The following AKAP6 variants were observed in gnomAD, a reference collection of about 807,000 sequenced individuals.
The protein encoded by AKAP6 is A-kinase anchor protein 6.
In AKAP6, 58 loss-of-function variants were observed where a neutral mutation model predicts 188.5. That is an observed-to-expected ratio of 0.31 (90% confidence interval 0.25 to 0.38). AKAP6 has a LOEUF of 0.38. Ranked by LOEUF, AKAP6 falls within the 10% of genes least tolerant of loss-of-function variation. The probability of loss-of-function intolerance (pLI) is 1.00; values close to 1 mark genes in which losing one functional copy is unlikely to be tolerated. For missense variants in AKAP6, 2,710 were observed against 2,740.0 expected (o/e 0.99, Z 0.24); for synonymous variants, 989 against 998.6 (o/e 0.99, Z 0.18).
At chr14:32,549,062 C>G (rs1883336613) in intron 4 of AKAP6, among the ~76,000 whole-genome samples, 1 of 152,132 alleles carries the variant, frequency 6.6e-6, no homozygotes, top group Non-Finnish European at 1.5e-5. Flanking sequence ...ATCAAATATA[C>G]AGCAGTAATA....
chr14:32,589,766 G>A (rs981897969), intron 5 of AKAP6, among the ~76,000 whole-genome samples: 2 of 151,892 alleles, frequency 1.3e-5, no homozygotes, highest in African/African-American at 4.8e-5. Context: ...TTAGAATGCC[G>A]GGGAAACACT....
At chr14:32,775,900 A>G (rs1040019638) in intron 12 of AKAP6, among the ~76,000 whole-genome samples, 2 of 152,154 alleles carry the variant, frequency 1.3e-5, no homozygotes, top group South Asian at 4.2e-4. Context: ...GAAGGTAGCA[A>G]ATAAGGTCCT....
At chr14:32,480,505 T>C (rs1879287916) in intron 2 of AKAP6, among the ~76,000 whole-genome samples, 1 of 152,204 alleles carries the variant, frequency 6.6e-6, no homozygotes, top group Admixed American at 6.5e-5. Flanking sequence ...TGATGTTGAA[T>C]TTCTTACTGT....
chr14:32,404,112 G>A (rs1208545138), intron 1 of AKAP6, among the ~76,000 whole-genome samples: 1 of 151,624 alleles, frequency 6.6e-6, no homozygotes, highest in Admixed American at 6.6e-5. Context: ...TATTTTTTTT[G>A]AAAAATATTA....
At chr14:32,756,870 C>T (rs910749991) in intron 11 of AKAP6, among the ~76,000 whole-genome samples, 1 of 152,040 alleles carries the variant, frequency 6.6e-6, no homozygotes, top group Non-Finnish European at 1.5e-5. Flanking sequence ...CGGGTGCCAT[C>T]CTGGTGTCTG....
intron 7 of AKAP6, among the ~76,000 whole-genome samples, chr14:32,607,016 G>A (rs1886151871): frequency 6.6e-6 from 1 of 152,070 alleles, no homozygotes; most frequent in African/African-American, 2.4e-5. Flanking sequence ...TTGTTTGTTT[G>A]TTTACCAGAT....
chr14:32,605,772 T>G (rs1328324542), intron 7 of AKAP6, among the ~76,000 whole-genome samples: 1 of 152,206 alleles, frequency 6.6e-6, no homozygotes, highest in Non-Finnish European at 1.5e-5. Flanking sequence ...ACAGCAGTTA[T>G]GATCATCTAT....
chr14:32,794,028 C>T (rs2033689902), intron 12 of AKAP6, among the ~76,000 whole-genome samples: 1 of 152,168 alleles, frequency 6.6e-6, no homozygotes. Flanking sequence ...GAACTTTCCA[C>T]CCCAAAACAA....
At chr14:32,459,905 C>T (rs1226524639) in intron 2 of AKAP6, among the ~76,000 whole-genome samples, 1 of 151,962 alleles carries the variant, frequency 6.6e-6, no homozygotes, top group Non-Finnish European at 1.5e-5. Context: ...GCGGAATCTC[C>T]TGGAGAATAT....
At chr14:32,486,293 A>G (rs1032669102) in intron 2 of AKAP6, among the ~76,000 whole-genome samples, 4 of 151,966 alleles carry the variant, frequency 2.6e-5, no homozygotes, top group African/African-American at 9.7e-5. Context: ...TGTCTTGGCT[A>G]TATGGGCTCT....
At chr14:32,522,443 A>G (rs893700775) in intron 2 of AKAP6, among the ~76,000 whole-genome samples, 14 of 152,194 alleles carry the variant, frequency 9.2e-5, no homozygotes, top group African/African-American at 3.4e-4. Flanking sequence ...TACCCATCTG[A>G]CAAAGGGCTA....
intron 7 of AKAP6, among the ~76,000 whole-genome samples, chr14:32,663,062 G>A (rs73264836): frequency 0.017 from 2,559 of 151,898 alleles, 74 homozygotes; most frequent in African/African-American, 0.058. Context: ...ATAATTATAG[G>A]CTAATTGATT....
intron 1 of AKAP6, among the ~76,000 whole-genome samples, chr14:32,330,363 G>A (rs1310221142): frequency 1.3e-5 from 2 of 151,872 alleles, no homozygotes; most frequent in African/African-American, 2.4e-5. Flanking sequence ...CTGTTTTTAG[G>A]CATCTTTATT....
intron 1 of AKAP6, among the ~76,000 whole-genome samples, chr14:32,348,186 G>T (rs1241233162): frequency 1.3e-5 from 2 of 152,150 alleles, no homozygotes; most frequent in Non-Finnish European, 2.9e-5. Context: ...TGCTAGACAG[G>T]TACCATGGGA....
chr14:32,817,805 A>T (rs1206853889), intron 12 of AKAP6, among the ~76,000 whole-genome samples: 1 of 152,134 alleles, frequency 6.6e-6, no homozygotes, highest in Non-Finnish European at 1.5e-5. Flanking sequence ...ACAAAAACAA[A>T]CGTTTGATTA....
chr14:32,564,519 C>T (rs976771011), intron 4 of AKAP6, among the ~76,000 whole-genome samples: 1 of 152,050 alleles, frequency 6.6e-6, no homozygotes, highest in Non-Finnish European at 1.5e-5. Flanking sequence ...GGGAGAGGAG[C>T]ATTTGAGCTT....
intron 8 of AKAP6, 40 bp from the exon 9 acceptor site, chr14:32,695,950 A>G (rs1002134680): frequency 6.3e-7 from 1 of 1,585,774 alleles, no homozygotes; most frequent in Non-Finnish European, 8.6e-7. Context: ...TAACAACTAC[A>G]CTGTATTTAT....
chr14:32,567,532 A>T (rs564556377), intron 4 of AKAP6, among the ~76,000 whole-genome samples: 2 of 151,916 alleles, frequency 1.3e-5, no homozygotes, highest in Admixed American at 6.6e-5. Flanking sequence ...TGGAATTCCA[A>T]TTTTTTTTCT....
At chr14:32,436,661 G>A (rs1363400370) in intron 2 of AKAP6, among the ~76,000 whole-genome samples, 3 of 152,130 alleles carry the variant, frequency 2.0e-5, no homozygotes. Context: ...ACGTAAACAA[G>A]CATGGTGACT....
Sources: gnomAD v4.1 joint callset for allele counts (sites outside exome capture counted in the v4.1 genomes callset) on GRCh38, gnomAD v4.1.1 for gene constraint, MANE v1.5 for transcripts, NCBI Gene and HGNC (gene_info 2026-07-23, HGNC 2026-07-21) for gene names.